LDB2: variants seen among roughly 807,000 people sequenced by gnomAD.
The protein encoded by LDB2 is LIM domain-binding protein 2.
In LDB2, 12 loss-of-function variants were observed where a neutral mutation model predicts 44.3. The observed-to-expected ratio is 0.27, with a 90% CI of 0.17 to 0.44. The LOEUF (loss-of-function observed/expected upper bound fraction) is 0.44, where lower values mean the gene tolerates loss of function less well. Among genes scored for constraint, LDB2 ranks in the 20% least tolerant of loss-of-function variants. LDB2 has a pLI of 1.00. For missense variants in LDB2, 344 were observed against 473.5 expected (o/e 0.73, Z 2.54); for synonymous variants, 164 against 174.8 (o/e 0.94, Z 0.49).
At chr4:16,892,839 C>G (rs905415091) in intron 1 of LDB2, among the ~76,000 whole-genome samples, 1 of 152,068 alleles carries the variant, frequency 6.6e-6, no homozygotes, top group African/African-American at 2.4e-5. Context: ...GCGTTTAAAT[C>G]CTACATCATA....
intron 1 of LDB2, among the ~76,000 whole-genome samples, chr4:16,790,514 A>C (rs897550407): frequency 2.0e-5 from 3 of 151,894 alleles, no homozygotes; most frequent in African/African-American, 7.3e-5. Context: ...TAGGAAAAAA[A>C]TATATAAATA....
At chr4:16,832,885 A>G (rs1246058473) in intron 1 of LDB2, among the ~76,000 whole-genome samples, 1 of 152,222 alleles carries the variant, frequency 6.6e-6, no homozygotes, top group East Asian at 1.9e-4. Context: ...AAACTGCAAG[A>G]CCATCTGAAC....
chr4:16,726,651 T>A (rs1759536611), intron 2 of LDB2: 1 of 152,158 alleles, frequency 6.6e-6, no homozygotes, highest in South Asian at 2.1e-4. Flanking sequence ...CTTAGCCGAA[T>A]CACAATATAT....
chr4:16,716,759 TC>T (rs750413631), intron 2 of LDB2, among the ~76,000 whole-genome samples: 4 of 152,254 alleles, frequency 2.6e-5, no homozygotes, highest in Non-Finnish European at 2.9e-5. Flanking sequence ...ATGGATTGAA[TC>T]CTTTCACCTT....
chr4:16,553,761 T>C (rs995102495), intron 5 of LDB2, among the ~76,000 whole-genome samples: 29 of 152,334 alleles, frequency 1.9e-4, no homozygotes, highest in African/African-American at 6.7e-4. Flanking sequence ...AGAGTTTTGT[T>C]CTAAGCCCTT....
intron 3 of LDB2, among the ~76,000 whole-genome samples, chr4:16,591,039 A>G (rs1375371027): frequency 2.0e-5 from 3 of 152,240 alleles, no homozygotes; most frequent in Non-Finnish European, 4.4e-5. Flanking sequence ...GGAGCCATCA[A>G]CAGTGAAGTG....
intron 2 of LDB2, among the ~76,000 whole-genome samples, chr4:16,631,859 A>G (rs1732055040): frequency 6.6e-6 from 1 of 152,242 alleles, no homozygotes; most frequent in African/African-American, 2.4e-5. Flanking sequence ...ATTCCTAGAC[A>G]CATACACCTT....
At chr4:16,644,408 C>T (rs904972903) in intron 2 of LDB2, among the ~76,000 whole-genome samples, 1 of 151,810 alleles carries the variant, frequency 6.6e-6, no homozygotes. Flanking sequence ...TTAGGTATTT[C>T]ACATGAACCA....
At position 16,533,056 on chromosome 4, in the gene LDB2, G is replaced by A. The variant is rs1473003737; in HGVS notation, c.616-20952C>T. ...GAATTAGTGTGACCAACTTGCTTCAGTTTGCTTGGGACTGTCCCAGATTTT... is the reference window on the plus strand; with the variant it reads ...GAATTAGTGTGACCAACTTGCTTCAATTTGCTTGGGACTGTCCCAGATTTT... On this transcript the variant is annotated intron_variant, in intron 5 of 7. Coordinates refer to ENST00000304523, the MANE Select transcript of LDB2 (RefSeq NM_001290.5). This position sits in a 1 kb window ranked among gnomAD's most constrained non-coding sequence, Gnocchi z 4.1. Among the ~76,000 whole-genome samples, 1 of 152,196 alleles carries A rather than the reference G, an allele frequency of 6.6e-6. No homozygotes were observed. The highest frequency in any genetic ancestry group is 1.5e-5 in the Non-Finnish European group (1 of 68,030).
chr4:16,688,738 C>T (rs1292066236), intron 2 of LDB2, among the ~76,000 whole-genome samples: 3 of 152,170 alleles, frequency 2.0e-5, no homozygotes, highest in Non-Finnish European at 2.9e-5. Flanking sequence ...ACACCAAATA[C>T]CAAATCTACA....
At chr4:16,523,731 C>G (rs1334283981) in intron 5 of LDB2, among the ~76,000 whole-genome samples, 1 of 152,104 alleles carries the variant, frequency 6.6e-6, no homozygotes, top group Non-Finnish European at 1.5e-5. Context: ...AGGGATGATT[C>G]ATGTTCCAGG....
intron 2 of LDB2, among the ~76,000 whole-genome samples, chr4:16,597,166 G>A (rs1296334569): frequency 6.6e-6 from 1 of 152,064 alleles, no homozygotes; most frequent in Admixed American, 6.6e-5. Flanking sequence ...GAAAAAATAA[G>A]TATAAAGAAA....
At chr4:16,653,975 A>G (rs1005520162) in intron 2 of LDB2, among the ~76,000 whole-genome samples, 1 of 152,200 alleles carries the variant, frequency 6.6e-6, no homozygotes, top group African/African-American at 2.4e-5. Context: ...AAAAATCTGG[A>G]GAGCTCGGAC....
chr4:16,568,766 T>C (rs557192490), intron 5 of LDB2, among the ~76,000 whole-genome samples: 1 of 152,346 alleles, frequency 6.6e-6, no homozygotes, highest in South Asian at 2.1e-4. Flanking sequence ...AGTCTGTAGT[T>C]TTAAAAAATC....
At chr4:16,729,781 C>T (rs1269564813) in intron 2 of LDB2, among the ~76,000 whole-genome samples, 3 of 152,164 alleles carry the variant, frequency 2.0e-5, no homozygotes, top group Non-Finnish European at 4.4e-5. Context: ...GGGAATAGAT[C>T]GTCTTTCTAA....
At chr4:16,877,319 T>C (rs768002463) in intron 1 of LDB2, among the ~76,000 whole-genome samples, 1 of 152,210 alleles carries the variant, frequency 6.6e-6, no homozygotes, top group South Asian at 2.1e-4. Context: ...GTTCCCACTA[T>C]GTGGAATAAA....
At chr4:16,826,462 A>G (rs1783084664) in intron 1 of LDB2, 1 of 152,212 alleles carries the variant, frequency 6.6e-6, no homozygotes, top group Admixed American at 6.5e-5. Flanking sequence ...ATTTCCACCA[A>G]TGTGTAAATC....
At chr4:16,888,041 G>A (rs1722266883) in intron 1 of LDB2, among the ~76,000 whole-genome samples, 1 of 152,240 alleles carries the variant, frequency 6.6e-6, no homozygotes, top group African/African-American at 2.4e-5. Flanking sequence ...GCCACAAGGT[G>A]TCACAGTGAA....
chr4:16,561,732 A>G (rs969089782), intron 5 of LDB2, among the ~76,000 whole-genome samples: 3 of 152,198 alleles, frequency 2.0e-5, no homozygotes, highest in East Asian at 1.9e-4. Context: ...TAAAGTTCAC[A>G]TGGAACCAAA....
Sources: allele counts gnomAD v4.1 joint callset (sites outside exome capture counted in the v4.1 genomes callset), GRCh38; gene constraint gnomAD v4.1.1; non-coding constraint Gnocchi (gnomAD v3.1); transcripts MANE v1.5; gene names NCBI Gene and HGNC (gene_info 2026-07-23, HGNC 2026-07-21).